The following PCDHA4 variants were observed in gnomAD, a reference collection of about 807,000 sequenced individuals.
The protein encoded by PCDHA4 is protocadherin alpha 4, also known as protocadherin alpha-4.
A neutral mutation model predicts 61.4 loss-of-function variants in PCDHA4; 49 were observed. The ratio of observed to expected loss-of-function variants is 0.80; its 90% CI spans 0.63 to 1.01. The LOEUF (loss-of-function observed/expected upper bound fraction) is 1.01, where lower values mean the gene tolerates loss of function less well. Ranked by LOEUF, PCDHA4 falls within the 50% of genes least tolerant of loss-of-function variation. The pLI is 0.00. For missense variants in PCDHA4, 1,254 were observed against 1,235.8 expected (o/e 1.01, Z -0.22); for synonymous variants, 590 against 550.3 (o/e 1.07, Z -1.01).
intron 1 of PCDHA4, chr5:140,823,624 G>A: frequency 1.2e-6 from 2 of 1,614,052 alleles, no homozygotes; most frequent in East Asian, 4.5e-5. Flanking sequence ...GCCTGGCAGT[G>A]CGCGCATCCC....
chr5:140,815,832 G>A (rs1406365317), intron 1 of PCDHA4: 1 of 152,124 alleles, frequency 6.6e-6, no homozygotes, highest in Non-Finnish European at 1.5e-5. Flanking sequence ...CATTTTTGAA[G>A]ACAAACTTTG....
chr5:140,822,050 A>C, intron 1 of PCDHA4: 1 of 1,614,182 alleles, frequency 6.2e-7, no homozygotes, highest in South Asian at 1.1e-5. Flanking sequence ...ATCGACCGGG[A>C]GGAGCTGTGC....
At chr5:140,838,084 GT>G (rs1775513754) in intron 1 of PCDHA4, among the ~76,000 whole-genome samples, 1 of 31,456 alleles carries the variant, frequency 3.2e-5, no homozygotes, top group Non-Finnish European at 6.5e-5. Flanking sequence ...TATAGTGTGT[GT>G]GTGTGTGTGT....
intron 1 of PCDHA4, chr5:140,853,622 T>C: frequency 2.0e-6 from 2 of 988,456 alleles, no homozygotes; most frequent in Non-Finnish European, 2.4e-6. Context: ...TAAATAAGTA[T>C]ACAAGATCAC....
intron 1 of PCDHA4, chr5:140,828,066 T>A (rs1334678252): frequency 6.4e-7 from 1 of 1,559,958 alleles, no homozygotes. Context: ...GATCTTCTAA[T>A]GGAAATAAAA....
intron 1 of PCDHA4, among the ~76,000 whole-genome samples, chr5:140,886,080 C>A (rs910230815): frequency 3.7e-4 from 56 of 152,268 alleles, no homozygotes; most frequent in African/African-American, 1.2e-3. Flanking sequence ...CATACCACAA[C>A]CTGGATATTG....
chr5:140,925,397 C>T (rs2082477792), intron 1 of PCDHA4, among the ~76,000 whole-genome samples: 1 of 152,048 alleles, frequency 6.6e-6, no homozygotes, highest in African/African-American at 2.4e-5. Flanking sequence ...TTTGGCTCGC[C>T]TCCTTCTTAG....
intron 1 of PCDHA4, chr5:140,856,217 G>C: frequency 6.3e-7 from 1 of 1,598,130 alleles, no homozygotes; most frequent in Non-Finnish European, 8.6e-7. Flanking sequence ...GGAGCTGGCG[G>C]AGCTGGTGCA....
At chr5:140,923,362 T>C (rs1294539314) in intron 1 of PCDHA4, among the ~76,000 whole-genome samples, 1 of 152,136 alleles carries the variant, frequency 6.6e-6, no homozygotes, top group East Asian at 1.9e-4. Context: ...CCTATCTTTA[T>C]AAAATATTTT....
At chr5:140,913,987 T>C (rs562066581) in intron 1 of PCDHA4, among the ~76,000 whole-genome samples, 5 of 152,318 alleles carry the variant, frequency 3.3e-5, no homozygotes, top group African/African-American at 1.2e-4. Context: ...ACTTGTATTG[T>C]GACTAGCATA....
At chr5:140,856,678 G>A in intron 1 of PCDHA4, 5 of 1,597,744 alleles carry the variant, frequency 3.1e-6, no homozygotes, top group Non-Finnish European at 4.3e-6. Flanking sequence ...TAAAGTTGTT[G>A]TTGACAGCAA....
intron 1 of PCDHA4, chr5:140,836,715 C>G: frequency 6.2e-7 from 1 of 1,612,974 alleles, no homozygotes; most frequent in Non-Finnish European, 8.5e-7. Flanking sequence ...CAGCCTTCCT[C>G]AGGGTCCATC....
At position 140,870,607 on chromosome 5, in the gene PCDHA4, G is replaced by T. The variant is rs782060261; in HGVS notation, c.2385+61035G>T. 15 of 1,613,098 alleles carry T rather than the reference G, an allele frequency of 9.3e-6. No individual in the cohort carries two copies. The Middle Eastern group carries it at 5.1e-4, about 55-fold the overall frequency. ...GGTGGAGCGGCGGTTGGGCGACCGCGCGCTGTCGAGCTACGTGTCGGTGCA... is the reference window on the plus strand; with the variant it reads ...GGTGGAGCGGCGGTTGGGCGACCGCTCGCTGTCGAGCTACGTGTCGGTGCA... On this transcript the variant is annotated intron_variant, in intron 1 of 3. Transcript: ENST00000530339.
chr5:140,860,946 C>A (rs1196605227), intron 1 of PCDHA4: 8 of 152,212 alleles, frequency 5.3e-5, no homozygotes, highest in African/African-American at 1.9e-4. Context: ...ACCGTGTTAG[C>A]CAGGATGGTC....
intron 1 of PCDHA4, among the ~76,000 whole-genome samples, chr5:140,953,196 TA>T (rs1166571162): frequency 6.6e-6 from 1 of 152,156 alleles, no homozygotes; most frequent in Non-Finnish European, 1.5e-5. Context: ...TTGATTAGAC[TA>T]AAAATGCAAA....
intron 1 of PCDHA4, chr5:140,857,825 G>C: frequency 6.3e-7 from 1 of 1,597,886 alleles, no homozygotes; most frequent in Middle Eastern, 1.7e-4. Context: ...GGTGGCTAAG[G>C]TGCGCGCAGT....
chr5:140,996,311 G>C lies in PCDHA4; in HGVS notation c.2534-13316G>C, dbSNP rs191577867. On this transcript the variant is annotated intron_variant, in intron 3 of 3. Coordinates refer to ENST00000530339, the MANE Select transcript of PCDHA4 (RefSeq NM_018907.4). ...GAAGCACAGATTGTAACAAAGTAAG[G>C]GGGGAGGGTAGAGAAGAAAAGTTTG... is the stretch of plus-strand genomic sequence containing the variant. 9.0e-4 allele frequency among the ~76,000 whole-genome samples: 137 copies of C among 152,302 alleles called. 1 individual carries two copies. The highest frequency in any genetic ancestry group is 2.8e-3 in the African/African-American group (118 of 41,574).
chr5:140,932,583 G>A (rs1007147257), intron 1 of PCDHA4, among the ~76,000 whole-genome samples: 29 of 151,810 alleles, frequency 1.9e-4, no homozygotes, highest in Admixed American at 1.8e-3. Flanking sequence ...AGGGTAATTA[G>A]ATGTTTTGTA....
intron 1 of PCDHA4, among the ~76,000 whole-genome samples, chr5:140,938,642 CCTT>C (rs1554212266): frequency 6.6e-6 from 1 of 151,942 alleles, no homozygotes; most frequent in East Asian, 1.9e-4. Flanking sequence ...GATGTATAAT[CCTT>C]CTTTATATCA....
Sources: gnomAD v4.1 joint callset for allele counts (sites outside exome capture counted in the v4.1 genomes callset) on GRCh38, gnomAD v4.1.1 for gene constraint, MANE v1.5 for transcripts, NCBI Gene and HGNC (gene_info 2026-07-23, HGNC 2026-07-21) for gene names.